Variants in DSG1 observed in about 807,000 individuals in gnomAD.
The protein encoded by DSG1 is desmoglein-1.
Under a neutral mutation model 97.5 loss-of-function variants are expected in DSG1, and 39 were observed. The ratio of observed to expected loss-of-function variants is 0.40; its 90% CI spans 0.31 to 0.52. The LOEUF (loss-of-function observed/expected upper bound fraction) is 0.52. Among genes scored for constraint, DSG1 ranks in the 20% least tolerant of loss-of-function variants. The pLI, the probability that DSG1 is intolerant of heterozygous loss-of-function variation, is 0.53. For missense variants in DSG1, 1,311 were observed against 1,295.4 expected (o/e 1.01, Z -0.18); for synonymous variants, 475 against 443.4 (o/e 1.07, Z -0.90).
At chr18:31,326,741 T>C in intron 2 of DSG1, 125 bp downstream of exon 2, 1 of 1,320,256 alleles carries the variant, frequency 7.6e-7, no homozygotes, top group South Asian at 1.2e-5. Context: ...AATTAATAGA[T>C]TACCAAAATT....
At chr18:31,347,487 G>A (rs1395145134) in intron 14 of DSG1, among the ~76,000 whole-genome samples, 1 of 152,112 alleles carries the variant, frequency 6.6e-6, no homozygotes, top group African/African-American at 2.4e-5. Context: ...ATCTGGTATT[G>A]TTCATTATGC....
At chr18:31,345,952 A>G (rs2071829923) in intron 13 of DSG1, 38 bp from the exon 14 acceptor site, 3 of 1,559,062 alleles carry the variant, frequency 1.9e-6, no homozygotes, top group South Asian at 1.1e-5. Flanking sequence ...TTTATGATAG[A>G]CTAAAGAAAA....
At chr18:31,341,391 G>T (rs1183563228) in intron 11 of DSG1, among the ~76,000 whole-genome samples, 1 of 152,124 alleles carries the variant, frequency 6.6e-6, no homozygotes, top group Admixed American at 6.5e-5. Context: ...TGGCAGATAT[G>T]TTTTGCTACA....
intron 5 of DSG1, among the ~76,000 whole-genome samples, chr18:31,330,982 T>A (rs2071717189): frequency 6.6e-6 from 1 of 151,738 alleles, no homozygotes; most frequent in Admixed American, 6.6e-5. Context: ...TAAAATGGAG[T>A]TGGAGAGTAG....
chr18:31,334,245 T>A, intron 8 of DSG1, 43 bp downstream of exon 8: 2 of 1,359,742 alleles, frequency 1.5e-6, no homozygotes, highest in Non-Finnish European at 2.1e-6. Context: ...CTTAATCTTT[T>A]TTCAAAATGT....
At chr18:31,327,118 AC>A in intron 3 of DSG1, 113 bp downstream of exon 3, 1 of 1,355,244 alleles carries the variant, frequency 7.4e-7, no homozygotes, top group Non-Finnish European at 1.0e-6. Flanking sequence ...ACGATACAGA[AC>A]AGAACTATAG....
chr18:31,329,679 A>C (rs937224713), intron 4 of DSG1, among the ~76,000 whole-genome samples: 2 of 151,878 alleles, frequency 1.3e-5, no homozygotes, highest in African/African-American at 2.4e-5. Flanking sequence ...TAATAATAAT[A>C]ATCATAATAA....
intron 13 of DSG1, chr18:31,345,351 T>G (rs2071823363): frequency 6.6e-6 from 1 of 152,230 alleles, no homozygotes; most frequent in Non-Finnish European, 1.5e-5. Flanking sequence ...ATTTCTTTTT[T>G]TTTTAATTTA....
At chr18:31,331,966 A>C in intron 6 of DSG1, 99 bp downstream of exon 6, 2 of 1,186,242 alleles carry the variant, frequency 1.7e-6, no homozygotes, top group Admixed American at 2.1e-5. Context: ...TGATGGTTTA[A>C]ATTTTTACTT....
chr18:31,331,900 T>C, intron 6 of DSG1, 33 bp downstream of exon 6: 1 of 1,596,154 alleles, frequency 6.3e-7, no homozygotes, highest in Non-Finnish European at 8.6e-7. Flanking sequence ...GTTTTTGGTC[T>C]CAAAGGAACT....
chr18:31,334,339 T>G, intron 8 of DSG1, 137 bp downstream of exon 8: 1 of 411,076 alleles, frequency 2.4e-6, no homozygotes, highest in Non-Finnish European at 4.5e-6. Context: ...AATATATATA[T>G]AACATAGAGC....
chr18:31,349,490 C>G (rs1453892868), intron 14 of DSG1, among the ~76,000 whole-genome samples: 1 of 149,110 alleles, frequency 6.7e-6, no homozygotes, highest in African/African-American at 2.5e-5. Flanking sequence ...GTAGTTTTTT[C>G]CAATTCTGTG....
At position 31,336,630 on chromosome 18, in the gene DSG1, C is replaced by T. The variant is rs879439610; in HGVS notation, c.1265+17C>T. 5 of 1,613,556 alleles carry T rather than the reference C, an allele frequency of 3.1e-6. No homozygotes were observed. Among genetic ancestry groups the T allele is most frequent in the Non-Finnish European group, 4.2e-6 (5 of 1,179,768 alleles). ...GACTGTTAGGTAAGAATGAGATTTT[C>T]AACTAATTTTCCTTACATATTGAAC... On this transcript the variant is annotated intron_variant, in intron 9 of 14. Coordinates refer to ENST00000257192, the MANE Select transcript of DSG1 (RefSeq NM_001942.4).
chr18:31,333,461 T>A, intron 6 of DSG1, 128 bp from the exon 7 acceptor site: 2 of 1,080,570 alleles, frequency 1.9e-6, no homozygotes, highest in Non-Finnish European at 2.8e-6. Flanking sequence ...TTTCCCATAT[T>A]CTGTGTTAAC....
In DSG1 at chr18:31,352,011, G is replaced by T. The variant is rs868753174; in HGVS notation, c.2101-2286G>T. Reference sequence around the variant, plus strand: ...CTATGTGTGAATTTGATCCTGTCATGATGATGTTAGCTGGTTATTTTGCTC... The same window carrying T: ...CTATGTGTGAATTTGATCCTGTCATTATGATGTTAGCTGGTTATTTTGCTC... On this transcript the variant is annotated intron_variant, in intron 14 of 14. Coordinates refer to ENST00000257192, the MANE Select transcript of DSG1 (RefSeq NM_001942.4). Among the ~76,000 whole-genome samples the T allele has an allele frequency of 2.8e-3, 403 of 146,108 alleles. 2 individuals carry two copies. The highest frequency in any genetic ancestry group is 9.9e-3 in the African/African-American group (384 of 38,848).
At chr18:31,335,095 CTG>C (rs1281582949) in intron 8 of DSG1, among the ~76,000 whole-genome samples, 6 of 151,928 alleles carry the variant, frequency 3.9e-5, no homozygotes, top group Non-Finnish European at 7.4e-5. Context: ...TTTTTGCCTC[CTG>C]TGTCTTCTTA....
rs745324812 is a variant in DSG1, at chr18:31,339,878, A to C, written c.1540A>C (p.Asn514His). Residue 514 changes from asparagine to histidine, a missense_variant, in exon 11 of 15, where the codon AAC (asparagine) becomes CAC (histidine). Asn to His is a moderately conservative substitution (Grantham distance 68, BLOSUM62 1). Transcript: ENST00000257192. ...CAGACAAGAAAGTACTTCTTCCACT[A>C]ACTATGATACCAGCACAACTTCTAC... Reference protein sequence around the residue: ...TGRQESTSSTNYDTSTTSTDS... With the variant: ...TGRQESTSSTHYDTSTTSTDS... 1 of 1,614,126 alleles carries C rather than the reference A, an allele frequency of 6.2e-7. No individual in the cohort carries two copies. The highest frequency in any genetic ancestry group is 1.1e-5 in the South Asian group (1 of 91,078).
At chr18:31,348,112 GC>G (rs1370277188) in intron 14 of DSG1, among the ~76,000 whole-genome samples, 14 of 99,382 alleles carry the variant, frequency 1.4e-4, no homozygotes, top group African/African-American at 3.1e-4. Context: ...ATGCTATCCC[GC>G]CCCCCTCCCC....
intron 8 of DSG1, among the ~76,000 whole-genome samples, chr18:31,334,549 A>G (rs62090172): frequency 0.47 from 71,583 of 151,964 alleles, 17,780 homozygotes; most frequent in South Asian, 0.61. Context: ...TATTTAATAG[A>G]GGCTTTAAAA....
Sources: allele counts gnomAD v4.1 joint callset (sites outside exome capture counted in the v4.1 genomes callset), GRCh38; gene constraint gnomAD v4.1.1; transcripts MANE v1.5; gene names NCBI Gene and HGNC (gene_info 2026-07-23, HGNC 2026-07-21).